SYT10: variants seen among roughly 807,000 people sequenced by gnomAD.
SYT10 encodes the protein synaptotagmin 10.
In SYT10, 31 loss-of-function variants were observed where a neutral mutation model predicts 51.1. The ratio of observed to expected loss-of-function variants is 0.61; its 90% confidence interval spans 0.46 to 0.82. The LOEUF (loss-of-function observed/expected upper bound fraction) is 0.82, where lower values mean the gene tolerates loss of function less well. Ranked by LOEUF, SYT10 falls within the 40% of genes least tolerant of loss-of-function variation. The pLI is 0.00. For missense variants in SYT10, 603 were observed against 634.0 expected (o/e 0.95, Z 0.53); for synonymous variants, 233 against 225.9 (o/e 1.03, Z -0.28).
intron 2 of SYT10, among the ~76,000 whole-genome samples, chr12:33,421,085 C>T (rs745731500): frequency 6.6e-6 from 1 of 152,090 alleles, no homozygotes; most frequent in African/African-American, 2.4e-5. Context: ...TAAAAACATT[C>T]TTACAGTAAA....
At chr12:33,429,474 G>T (rs1277933084) in intron 1 of SYT10, among the ~76,000 whole-genome samples, 1 of 152,166 alleles carries the variant, frequency 6.6e-6, no homozygotes, top group Non-Finnish European at 1.5e-5. Context: ...TTCAAAATTG[G>T]AGACCAATAA....
intron 3 of SYT10, chr12:33,405,496 A>T (rs1866344851): frequency 6.6e-6 from 1 of 152,104 alleles, no homozygotes; most frequent in Non-Finnish European, 1.5e-5. Context: ...ATAATGCTGG[A>T]ATACAATATT....
chr12:33,392,188 C>T (rs1866213571), intron 3 of SYT10, among the ~76,000 whole-genome samples: 1 of 152,270 alleles, frequency 6.6e-6, no homozygotes, highest in Admixed American at 6.5e-5. Context: ...TGCTGTAATT[C>T]TATAGCACAC....
intron 4 of SYT10, among the ~76,000 whole-genome samples, chr12:33,383,450 A>G (rs977881721): frequency 2.6e-5 from 4 of 152,190 alleles, no homozygotes; most frequent in Non-Finnish European, 4.4e-5. Context: ...TGAAATATGT[A>G]TCTGTGTATT....
chr12:33,398,338 C>A (rs1446005708), intron 3 of SYT10, among the ~76,000 whole-genome samples: 2 of 151,906 alleles, frequency 1.3e-5, no homozygotes, highest in Non-Finnish European at 2.9e-5. Context: ...ACAGTGAAAC[C>A]CCATCTCTAC....
rs572999736 is a variant in SYT10, at chr12:33,405,806, G to A, written c.1077+983C>T. 3 of 150,564 alleles carry A rather than the reference G, an allele frequency of 2.0e-5. No homozygotes were observed. In the South Asian group the frequency reaches 6.3e-4, roughly 32 times the overall value. The allele number at this position is 150,564 out of a possible 1,614,324, so 9.3% of individuals were successfully genotyped here. On this transcript the variant is annotated intron_variant, in intron 3 of 6. Coordinates refer to ENST00000228567, the MANE Select transcript of SYT10 (RefSeq NM_198992.4). ...TAATAAAGAAAACAATCTAACTTAA[G>A]AGATCACTTCTCTAATTCCACTTCT...
At chr12:33,424,397 G>A (rs529931467) in intron 2 of SYT10, among the ~76,000 whole-genome samples, 3 of 152,230 alleles carry the variant, frequency 2.0e-5, no homozygotes, top group East Asian at 3.9e-4. Flanking sequence ...ATCAACTAAA[G>A]AGTTGAATGA....
chr12:33,432,889 T>C (rs1480497972), intron 1 of SYT10: 2 of 152,070 alleles, frequency 1.3e-5, no homozygotes, highest in African/African-American at 4.8e-5. Context: ...TCCCCCCTTC[T>C]GGCTCCAAGC....
At chr12:33,419,396 C>A (rs1866481396) in intron 2 of SYT10, among the ~76,000 whole-genome samples, 1 of 151,916 alleles carries the variant, frequency 6.6e-6, no homozygotes, top group African/African-American at 2.4e-5. Flanking sequence ...AAAAATTTAG[C>A]CATGTGACTA....
At chr12:33,382,577 A>C (rs908557887) in intron 4 of SYT10, 57 bp from the exon 5 acceptor site, 1 of 1,464,452 alleles carries the variant, frequency 6.8e-7, no homozygotes, top group Non-Finnish European at 9.1e-7. Context: ...AGCATAAATA[A>C]AACTGCAGTT....
intron 2 of SYT10, among the ~76,000 whole-genome samples, chr12:33,424,739 ATTCAATAAATATATAG>A (rs1430051086): frequency 2.7e-5 from 4 of 147,952 alleles, no homozygotes; most frequent in African/African-American, 1.0e-4. Context: ...AATATATATA[ATTCAATAAATATATAG>A]TTCAATAAAT....
intron 3 of SYT10, among the ~76,000 whole-genome samples, chr12:33,393,903 C>T (rs768757786): frequency 1.3e-5 from 2 of 152,042 alleles, no homozygotes; most frequent in Non-Finnish European, 2.9e-5. Flanking sequence ...TCATTATTAT[C>T]TGTCTTCTTT....
intron 1 of SYT10, among the ~76,000 whole-genome samples, chr12:33,435,372 T>C (rs1482575987): frequency 6.6e-6 from 1 of 152,200 alleles, no homozygotes; most frequent in African/African-American, 2.4e-5. Flanking sequence ...AAGATAGGTC[T>C]CCATTTGCAT....
At position 33,382,486 on chromosome 12, in the gene SYT10, A is replaced by G; in HGVS notation, c.1233T>C (p.Gly411=). The part of the protein sequence containing the change: ...PYVKVSLMCE[G]RRLKKRKTTT... ...TTGTTTTCCTCTTTTTTAATCTTCG[A>G]CCTTCACACATCAGGGACACTTTGA... Residue 411 remains glycine, a synonymous_variant, in exon 5 of 7, where the codon GGT becomes GGC. Coordinates refer to ENST00000228567, the MANE Select transcript of SYT10 (RefSeq NM_198992.4). 1 of 1,613,030 alleles carries G rather than the reference A, an allele frequency of 6.2e-7. No homozygotes were observed. The highest frequency in any genetic ancestry group is 8.5e-7 in the Non-Finnish European group (1 of 1,179,450).
intron 1 of SYT10, among the ~76,000 whole-genome samples, chr12:33,431,455 T>A (rs1263207829): frequency 6.6e-6 from 1 of 152,160 alleles, no homozygotes; most frequent in African/African-American, 2.4e-5. Context: ...TCCTTGCACA[T>A]TGCCTCTTAT....
Position 33,436,660 on chromosome 12 carries a change from G to A in SYT10, c.151+2712C>T, listed in dbSNP as rs184386017. Among the ~76,000 whole-genome samples, 50 of 152,226 alleles carry A rather than the reference G, an allele frequency of 3.3e-4. No homozygotes were observed. In the East Asian group the frequency reaches 8.7e-3, roughly 26 times the overall value. ...CACTTCACTGGCATTTGCAAAACCC[G>A]TAAGATAATATCTTACATATATACA... On this transcript the variant is annotated intron_variant, in intron 1 of 6. Coordinates refer to ENST00000228567, the MANE Select transcript of SYT10 (RefSeq NM_198992.4).
At position 33,439,377 on chromosome 12, in the gene SYT10, C is replaced by A. The variant is rs777113468; in HGVS notation, c.146G>T (p.Ser49Ile). ...PRDRGSQGGS[S>I]TDISVSLLAV... ...AGCGGAGCCCTCCCGGTTACCTGTGCTGCTTCCGCCCTGGCTGCCCCTGTC... is the reference window on the plus strand; with the variant it reads ...AGCGGAGCCCTCCCGGTTACCTGTGATGCTTCCGCCCTGGCTGCCCCTGTC... The change falls in exon 1 of 7, where the codon AGC becomes ATC. Residue 49 changes from serine (S) to isoleucine (I), a missense_variant. Ser to Ile is a moderately radical substitution (Grantham distance 142). Transcript: ENST00000228567. The A allele has an allele frequency of 2.5e-6, 4 of 1,612,914 alleles. No homozygotes were observed. The East Asian group carries it at 6.7e-5, about 27-fold the overall frequency.
chr12:33,374,958 AT>A lies in SYT10; in HGVS notation c.*1871del, dbSNP rs1313464760. The A allele has an allele frequency of 6.6e-6, 1 of 152,040 alleles. No homozygotes were observed. Among genetic ancestry groups the A allele is most frequent in the Non-Finnish European group, 1.5e-5 (1 of 67,916 alleles). 9.4% of individuals were successfully genotyped at this position (152,040 alleles called of 1,614,324 possible). On this transcript the variant is annotated 3_prime_UTR_variant, in exon 7 of 7. Coordinates refer to ENST00000228567, the MANE Select transcript of SYT10 (RefSeq NM_198992.4). Reference sequence around the variant, plus strand: ...ACTAATAAAACAACTGTCTCCAAAAATGTCATTCTATTAATAGTATAACTTT... The same window carrying A: ...ACTAATAAAACAACTGTCTCCAAAAAGTCATTCTATTAATAGTATAACTTT...
intron 3 of SYT10, among the ~76,000 whole-genome samples, chr12:33,387,747 G>GTTT (rs34524429): frequency 0.4 from 48,251 of 121,396 alleles, 9,710 homozygotes; most frequent in East Asian, 0.61. Flanking sequence ...CTTCTAACAT[G>GTTT]TTTTTTTTTT....
Sources: allele counts gnomAD v4.1 joint callset (sites outside exome capture counted in the v4.1 genomes callset), GRCh38; gene constraint gnomAD v4.1.1; transcripts MANE v1.5; gene names NCBI Gene and HGNC (gene_info 2026-07-23, HGNC 2026-07-21).